NRXN1: variants seen among roughly 807,000 people sequenced by gnomAD.
NRXN1 encodes neurexin-1.
A neutral mutation model predicts 150.9 loss-of-function variants in NRXN1; 39 were observed. That is an observed-to-expected ratio of 0.26 (90% confidence interval 0.20 to 0.34). The LOEUF (loss-of-function observed/expected upper bound fraction) is 0.34, where lower values mean the gene tolerates loss of function less well. Ranked by LOEUF, NRXN1 falls within the 10% of genes least tolerant of loss-of-function variation. The pLI, the probability that NRXN1 is intolerant of heterozygous loss-of-function variation, is 1.00. For synonymous variants in NRXN1, 924 were observed against 757.0 expected (o/e 1.22, Z -3.62); for missense variants, 1,815 against 1,949.9 (o/e 0.93, Z 1.30).
At chr2:50,490,247 AT>A (rs1342572127) in intron 15 of NRXN1, among the ~76,000 whole-genome samples, 2 of 152,216 alleles carry the variant, frequency 1.3e-5, no homozygotes, top group Non-Finnish European at 2.9e-5. Flanking sequence ...TCTAATGAGC[AT>A]TGTGAACTCT....
At chr2:50,342,587 C>T (rs993521834) in intron 17 of NRXN1, among the ~76,000 whole-genome samples, 1 of 152,194 alleles carries the variant, frequency 6.6e-6, no homozygotes, top group Non-Finnish European at 1.5e-5. Flanking sequence ...AACAGAGAAA[C>T]AAAAACCTCC....
intron 18 of NRXN1, among the ~76,000 whole-genome samples, chr2:50,121,156 T>C (rs750414866): frequency 1.3e-5 from 2 of 152,174 alleles, no homozygotes; most frequent in Admixed American, 1.3e-4. Context: ...CCCAAGTAGC[T>C]GGGATTAGAG....
At chr2:50,369,693 T>A (rs2079869574) in intron 17 of NRXN1, among the ~76,000 whole-genome samples, 2 of 151,990 alleles carry the variant, frequency 1.3e-5, no homozygotes. Context: ...ACGGGCATCT[T>A]TATAGTAAGT....
In NRXN1 at chr2:50,329,639, A is replaced by T. The variant is rs1334173351; in HGVS notation, c.3365-92669T>A. On this transcript the variant is annotated intron_variant, in intron 17 of 22. Coordinates refer to ENST00000401669, the MANE Select transcript of NRXN1 (RefSeq NM_001330078.2). ...TGTGTATATATATATATATATATATATATATATATATATATATATATATAT... is the reference window on the plus strand; with the variant it reads ...TGTGTATATATATATATATATATATTTATATATATATATATATATATATAT... Among the ~76,000 whole-genome samples the T allele has an allele frequency of 1.0e-3, 6 of 5,722 alleles. 1 individual carries two copies. The highest frequency in any genetic ancestry group is 7.1e-3 in the Admixed American group (3 of 420). 3.8% of individuals were successfully genotyped at this position (5,722 alleles called of 152,430 possible). A position where few individuals can be genotyped will look rare whatever the true frequency, so the allele number is the denominator to read the frequency against.
intron 5 of NRXN1, among the ~76,000 whole-genome samples, chr2:50,703,419 T>A (rs1694029053): frequency 6.6e-6 from 1 of 152,136 alleles, no homozygotes; most frequent in Non-Finnish European, 1.5e-5. Context: ...GGAGCAACCT[T>A]AGCTTAAAAG....
At chr2:50,812,240 T>C (rs1253905290) in intron 5 of NRXN1, among the ~76,000 whole-genome samples, 2 of 152,218 alleles carry the variant, frequency 1.3e-5, no homozygotes, top group African/African-American at 4.8e-5. Flanking sequence ...CATATAAATA[T>C]AGCAGAATGA....
intron 17 of NRXN1, among the ~76,000 whole-genome samples, chr2:50,394,438 A>T (rs1380488297): frequency 6.6e-6 from 1 of 152,112 alleles, no homozygotes; most frequent in East Asian, 1.9e-4. Flanking sequence ...TCTCACAATT[A>T]AGTGGGTCAG....
chr2:50,203,918 C>T (rs926031671), intron 18 of NRXN1, among the ~76,000 whole-genome samples: 1 of 152,008 alleles, frequency 6.6e-6, no homozygotes, highest in African/African-American at 2.4e-5. Flanking sequence ...ATTCTGAATT[C>T]CACAGTGTTT....
chr2:50,544,960 C>T (rs2105300348), intron 9 of NRXN1, among the ~76,000 whole-genome samples: 2 of 152,128 alleles, frequency 1.3e-5, no homozygotes, highest in South Asian at 4.1e-4. Flanking sequence ...TTTTTTGTTA[C>T]ACAGTAATTG....
intron 21 of NRXN1, among the ~76,000 whole-genome samples, chr2:49,997,471 A>C (rs1683189315): frequency 6.6e-6 from 1 of 152,174 alleles, no homozygotes; most frequent in Non-Finnish European, 1.5e-5. Flanking sequence ...TCACGAATGG[A>C]GAAAAAGACC....
intron 5 of NRXN1, among the ~76,000 whole-genome samples, chr2:50,653,062 G>T (rs1685879563): frequency 6.6e-6 from 1 of 151,842 alleles, no homozygotes; most frequent in Non-Finnish European, 1.5e-5. Context: ...GATCCACATG[G>T]ATCATGTTGA....
intron 8 of NRXN1, among the ~76,000 whole-genome samples, chr2:50,595,723 A>C (rs975640443): frequency 6.6e-6 from 1 of 152,204 alleles, no homozygotes; most frequent in Non-Finnish European, 1.5e-5. Context: ...GAAAGGGAGA[A>C]TTTGAAGGCA....
At chr2:50,350,633 A>G (rs2078341237) in intron 17 of NRXN1, among the ~76,000 whole-genome samples, 1 of 152,138 alleles carries the variant, frequency 6.6e-6, no homozygotes, top group African/African-American at 2.4e-5. Flanking sequence ...GACTTTGGAG[A>G]GCGATTTGTA....
intron 16 of NRXN1, among the ~76,000 whole-genome samples, chr2:50,470,519 A>G (rs978230898): frequency 6.6e-6 from 1 of 151,864 alleles, no homozygotes; most frequent in African/African-American, 2.4e-5. Context: ...AGAGGAAAAA[A>G]ATGTATTTTC....
rs184318143 is a variant in NRXN1, at chr2:49,983,568, T to C, written c.4129-39777A>G. Among the ~76,000 whole-genome samples, 636 of 152,284 alleles carry C rather than the reference T, an allele frequency of 4.2e-3. 8 individuals carry two copies. The highest frequency in any genetic ancestry group is 3.3e-3 in the Non-Finnish European group (223 of 68,010). On this transcript the variant is annotated intron_variant, in intron 21 of 22. Transcript: ENST00000401669. ...AGGCTTAGATAGCACAATTCTATGA[T>C]ATGCTGTGAGTCAGATCTTTGAGTC...
chr2:50,506,469 A>G (rs749029443), intron 13 of NRXN1, 26 bp downstream of exon 13: 1 of 1,600,396 alleles, frequency 6.2e-7, no homozygotes, highest in South Asian at 1.1e-5. Context: ...TAGCATAGGA[A>G]AAGACAATGG....
intron 21 of NRXN1, among the ~76,000 whole-genome samples, chr2:50,044,540 A>G (rs745486037): frequency 1.2e-4 from 18 of 152,168 alleles, no homozygotes; most frequent in Non-Finnish European, 2.4e-4. Context: ...TGTTTCCCCA[A>G]TATGCTTGTT....
chr2:50,416,611 A>G (rs1052249691), intron 17 of NRXN1, among the ~76,000 whole-genome samples: 3 of 152,176 alleles, frequency 2.0e-5, no homozygotes, highest in Admixed American at 6.5e-5. Flanking sequence ...AAGAGGTTTA[A>G]TTGACTCACA....
intron 5 of NRXN1, among the ~76,000 whole-genome samples, chr2:50,685,418 T>G (rs116070570): frequency 0.011 from 1,641 of 152,280 alleles, 25 homozygotes; most frequent in African/African-American, 0.037. Context: ...CCTTTTCAAA[T>G]GTAAGACCCA....
Sources: gnomAD v4.1 joint callset for allele counts (sites outside exome capture counted in the v4.1 genomes callset) on GRCh38, gnomAD v4.1.1 for gene constraint, MANE v1.5 for transcripts, NCBI Gene and HGNC (gene_info 2026-07-23, HGNC 2026-07-21) for gene names.